The following DLEU7 variants were observed in gnomAD, a reference collection of about 807,000 sequenced individuals.
DLEU7 encodes leukemia-associated protein 7.
In DLEU7, 17 loss-of-function variants were observed where a neutral mutation model predicts 16.0. The ratio of observed to expected loss-of-function variants is 1.06; its 90% CI spans 0.73 to 1.59. The LOEUF is 1.59. DLEU7 is among the 40% of genes most tolerant of loss of function. DLEU7 has a pLI of 0.00. For missense variants in DLEU7, 308 were observed against 314.9 expected (o/e 0.98, Z 0.17); for synonymous variants, 113 against 139.8 (o/e 0.81, Z 1.35).
rs367902731 is a variant in DLEU7, at chr13:50,826,055, G to A, written c.460-2535C>T. 1.3e-4 allele frequency among the ~76,000 whole-genome samples: 16 copies of A among 125,966 alleles called. No individual in the cohort carries two copies. In the South Asian group the frequency reaches 3.2e-3, roughly 25 times the overall value. 82.6% of individuals were successfully genotyped at this position (125,966 alleles called of 152,430 possible). A position where few individuals can be genotyped will look rare whatever the true frequency, so the allele number is the denominator to read the frequency against. On this transcript the variant is annotated intron_variant, in intron 1 of 1. Coordinates refer to ENST00000504404, the MANE Select transcript of DLEU7 (RefSeq NM_001306135.2). ...CCCCGATGTGTGATGTTCCCCACCC[G>A]GTGTCCAGGTGTTCTCATTGTTCAA...
rs576873509 is a variant in DLEU7, at chr13:50,825,139, A to C, written c.460-1619T>G. Reference sequence around the variant, plus strand: ...GATGATAATTTTTTTTAGTTTAGTCAAATAATTAGTCATCCTTAAGTATTT... The same window carrying C: ...GATGATAATTTTTTTTAGTTTAGTCCAATAATTAGTCATCCTTAAGTATTT... On this transcript the variant is annotated intron_variant, in intron 1 of 1. Transcript: ENST00000504404. Among the ~76,000 whole-genome samples the C allele has an allele frequency of 1.0e-3, 156 of 152,266 alleles. 1 individual carries two copies. Among genetic ancestry groups the C allele is most frequent in the African/African-American group, 3.5e-3 (145 of 41,552 alleles).
chr13:50,713,753 A>G (rs1873360760), intron 1 of DLEU7, among the ~76,000 whole-genome samples: 1 of 152,220 alleles, frequency 6.6e-6, no homozygotes, highest in Non-Finnish European at 1.5e-5. Flanking sequence ...TAACAGAGGA[A>G]GCTGGGCTTG....
chr13:50,800,823 T>C (rs1451367268), intron 1 of DLEU7, among the ~76,000 whole-genome samples: 5 of 152,154 alleles, frequency 3.3e-5, no homozygotes, highest in Non-Finnish European at 7.4e-5. Flanking sequence ...TACAGAGATT[T>C]CAATGGCCTC....
chr13:50,736,538 G>A (rs572781999), intron 1 of DLEU7, among the ~76,000 whole-genome samples: 21 of 152,190 alleles, frequency 1.4e-4, no homozygotes, highest in African/African-American at 4.8e-4. Context: ...ATTTAAATTC[G>A]TGAAATGTAG....
chr13:50,820,950 G>A (rs1379994009), downstream of DLEU7, among the ~76,000 whole-genome samples: 1 of 152,016 alleles, frequency 6.6e-6, no homozygotes, highest in Non-Finnish European at 1.5e-5. Flanking sequence ...TCAAAAGCCA[G>A]TGTGCATTTT....
At position 50,748,228 on chromosome 13, in the gene DLEU7, C is replaced by CTTTTTTTTTTT. The variant is rs71085044; in HGVS notation, c.460-34999_460-34989dup. On this transcript the variant is annotated intron_variant, in intron 1 of 1. Transcript: ENST00000400393. ...TTACTTCTTACACAGACTCCTTAAA[C>CTTTTTTTTTTT]TTTTTTTTTTTTTTTTTTTTTTTGT... Among the ~76,000 whole-genome samples the CTTTTTTTTTTT allele has an allele frequency of 5.9e-4, 53 of 89,250 alleles. 1 individual carries two copies. Among genetic ancestry groups the CTTTTTTTTTTT allele is most frequent in the South Asian group, 9.4e-4 (2 of 2,130 alleles). The allele number at this position is 89,250 out of a possible 152,430, so 58.6% of individuals were successfully genotyped here. A position where few individuals can be genotyped will look rare whatever the true frequency, so the allele number is the denominator to read the frequency against.
Position 50,806,966 on chromosome 13 carries a change from G to A in DLEU7, c.459+36222C>T, listed in dbSNP as rs955744052. Among the ~76,000 whole-genome samples the A allele has an allele frequency of 1.4e-4, 14 of 102,228 alleles. No individual in the cohort carries two copies. In the East Asian group the frequency reaches 4.2e-3, roughly 31 times the overall value. The allele number at this position is 102,228 out of a possible 152,430, so 67.1% of individuals were successfully genotyped here. ...CACTCTAGCCTGGGTGACAGAGCTA[G>A]ACTCCCTCTCAAAAAAAAAAAAAAA... On this transcript the variant is annotated intron_variant, in intron 1 of 1. Coordinates refer to the DLEU7 transcript ENST00000400393.
At chr13:50,746,391 T>A (rs1204445370) in intron 1 of DLEU7, among the ~76,000 whole-genome samples, 1 of 152,216 alleles carries the variant, frequency 6.6e-6, no homozygotes, top group Non-Finnish European at 1.5e-5. Flanking sequence ...GAGCCTTATT[T>A]TCTTTTACTT....
downstream of DLEU7, among the ~76,000 whole-genome samples, chr13:50,821,896 G>A (rs369793841): frequency 1.3e-5 from 2 of 152,092 alleles, no homozygotes; most frequent in Non-Finnish European, 2.9e-5. Flanking sequence ...AGAATACAAC[G>A]TTTCTTAGGT....
intron 1 of DLEU7, among the ~76,000 whole-genome samples, chr13:50,743,199 A>AGGCT (rs1165346787): frequency 3.1e-4 from 45 of 143,154 alleles, no homozygotes; most frequent in Non-Finnish European, 4.7e-4. Flanking sequence ...GCAGGCAGGC[A>AGGCT]GGCTGGCTGG....
At chr13:50,820,326 A>G (rs61962167), downstream of DLEU7, among the ~76,000 whole-genome samples, 1 of 152,056 alleles carries the variant, frequency 6.6e-6, no homozygotes, top group African/African-American at 2.4e-5. Context: ...TAGCCAGAGG[A>G]ATTTTTTTTT....
chr13:50,787,837 A>T (rs1400207125), intron 1 of DLEU7, among the ~76,000 whole-genome samples: 1 of 151,344 alleles, frequency 6.6e-6, no homozygotes, highest in Non-Finnish European at 1.5e-5. Context: ...CTCTCCACTC[A>T]TGTTGGACCA....
At chr13:50,734,654 GATAAAA>G (rs1334761967) in intron 1 of DLEU7, among the ~76,000 whole-genome samples, 1 of 152,022 alleles carries the variant, frequency 6.6e-6, no homozygotes, top group Non-Finnish European at 1.5e-5. Flanking sequence ...AGAGAAAAAA[GATAAAA>G]ATAGGAAGAA....
intron 1 of DLEU7, among the ~76,000 whole-genome samples, chr13:50,722,345 G>A (rs1256984194): frequency 1.3e-5 from 2 of 152,222 alleles, no homozygotes; most frequent in African/African-American, 4.8e-5. Flanking sequence ...GGAACACTAA[G>A]ATAGCCATAA....
intron 1 of DLEU7, among the ~76,000 whole-genome samples, chr13:50,828,624 G>T (rs1441398155): frequency 1.3e-5 from 2 of 152,034 alleles, no homozygotes; most frequent in Non-Finnish European, 2.9e-5. Flanking sequence ...ATGGAAGGAA[G>T]AACTAAAAGT....
At chr13:50,752,146 G>C (rs1013254936) in intron 1 of DLEU7, among the ~76,000 whole-genome samples, 2 of 150,728 alleles carry the variant, frequency 1.3e-5, no homozygotes, top group African/African-American at 4.9e-5. Flanking sequence ...CTGCCTCCCA[G>C]GTTCAGGCCA....
At chr13:50,803,520 C>G (rs1271327237) in intron 1 of DLEU7, among the ~76,000 whole-genome samples, 1 of 152,040 alleles carries the variant, frequency 6.6e-6, no homozygotes, top group Non-Finnish European at 1.5e-5. Flanking sequence ...TGAAATGTGG[C>G]TAGTTCCAAT....
chr13:50,771,891 G>T (rs894551570), intron 1 of DLEU7, among the ~76,000 whole-genome samples: 1 of 152,088 alleles, frequency 6.6e-6, no homozygotes, highest in African/African-American at 2.4e-5. Context: ...ATTATTGTGT[G>T]GGAGTCTAAG....
intron 1 of DLEU7, among the ~76,000 whole-genome samples, chr13:50,740,092 C>T (rs1290108000): frequency 1.4e-4 from 22 of 152,110 alleles, no homozygotes; most frequent in Admixed American, 1.3e-4. Flanking sequence ...TCTTTTAAGC[C>T]TGAAAATGTT....
Sources: allele counts gnomAD v4.1 joint callset (sites outside exome capture counted in the v4.1 genomes callset), GRCh38; gene constraint gnomAD v4.1.1; transcripts MANE v1.5; gene names NCBI Gene and HGNC (gene_info 2026-07-23, HGNC 2026-07-21).